PLCB1: variants seen among roughly 807,000 people sequenced by gnomAD.
The protein encoded by PLCB1 is phospholipase C beta 1.
Under a neutral mutation model 161.8 loss-of-function variants are expected in PLCB1, and 46 were observed. The observed-to-expected ratio is 0.28, with a 90% CI of 0.22 to 0.36. The LOEUF is 0.36. PLCB1 is among the 10% of genes least tolerant of loss of function. The pLI is 1.00. For synonymous variants in PLCB1, 517 were observed against 503.7 expected (o/e 1.03, Z -0.35); for missense variants, 1,016 against 1,472.5 (o/e 0.69, Z 5.07).
chr20:8,248,611 T>A (rs1324162424), intron 2 of PLCB1: 3 of 151,944 alleles, frequency 2.0e-5, no homozygotes, highest in Non-Finnish European at 4.4e-5. Context: ...GGTGGCCTTC[T>A]GACGGGAAGG....
chr20:8,732,682 TTA>T (rs1224099930), intron 18 of PLCB1, among the ~76,000 whole-genome samples: 2 of 143,852 alleles, frequency 1.4e-5, no homozygotes, highest in African/African-American at 2.6e-5. Flanking sequence ...AATATATGCT[TTA>T]TATATTAGAA....
At chr20:8,342,323 C>G (rs936290646) in intron 2 of PLCB1, among the ~76,000 whole-genome samples, 8 of 152,182 alleles carry the variant, frequency 5.3e-5, no homozygotes, top group African/African-American at 1.7e-4. Flanking sequence ...CATTAGTTTA[C>G]TCATTAATGA....
chr20:8,809,308 CACTT>C (rs1358172183), intron 31 of PLCB1, among the ~76,000 whole-genome samples: 83 of 152,096 alleles, frequency 5.5e-4, no homozygotes, highest in Non-Finnish European at 4.4e-5. Context: ...ATGCCCGGCT[CACTT>C]ACAAATAATT....
At chr20:8,623,510 A>T (rs1988242819) in intron 3 of PLCB1, among the ~76,000 whole-genome samples, 1 of 152,176 alleles carries the variant, frequency 6.6e-6, no homozygotes, top group Admixed American at 6.5e-5. Flanking sequence ...AACAAATATG[A>T]ATACTCTTGT....
chr20:8,699,149 A>G (rs749888658), intron 11 of PLCB1, among the ~76,000 whole-genome samples: 45 of 152,236 alleles, frequency 3.0e-4, no homozygotes, highest in Non-Finnish European at 5.9e-4. Context: ...GAGAAGGGCC[A>G]GAGGACAACC....
At chr20:8,571,100 T>A (rs1429894473) in intron 3 of PLCB1, among the ~76,000 whole-genome samples, 3 of 152,134 alleles carry the variant, frequency 2.0e-5, no homozygotes, top group Non-Finnish European at 4.4e-5. Flanking sequence ...TGGTTGGAAT[T>A]TGGGTGTCAT....
chr20:8,440,834 G>T (rs1199073737), intron 3 of PLCB1, among the ~76,000 whole-genome samples: 1 of 150,556 alleles, frequency 6.6e-6, no homozygotes, highest in South Asian at 2.1e-4. Context: ...AAATGTTTTT[G>T]ATTTTATATA....
Position 8,444,521 on chromosome 20 carries a change from G to A in PLCB1, c.246+73071G>A, listed in dbSNP as rs574956950. ...CCGCAATAAACATACGTGTGCATGTGTCTTTATAGCAGCATGATTTATAGT... is the reference window on the plus strand; with the variant it reads ...CCGCAATAAACATACGTGTGCATGTATCTTTATAGCAGCATGATTTATAGT... On this transcript the variant is annotated intron_variant, in intron 3 of 31. Transcript: ENST00000338037. Among the ~76,000 whole-genome samples, 877 of 152,284 alleles carry A rather than the reference G, an allele frequency of 5.8e-3. 11 individuals are homozygous for A. Among genetic ancestry groups the A allele is most frequent in the African/African-American group, 0.02 (841 of 41,558 alleles).
In PLCB1 at chr20:8,719,991, T is replaced by C. The variant is rs187416229; in HGVS notation, c.1513+2143T>C. On this transcript the variant is annotated intron_variant, in intron 14 of 31. Coordinates refer to ENST00000338037, the MANE Select transcript of PLCB1 (RefSeq NM_015192.4). ...AATTCTTTGAAAGGGTTTTGTCCTG[T>C]AGCTTTTGAATGTGTACTTTCATCA... 1.4e-3 allele frequency among the ~76,000 whole-genome samples: 208 copies of C among 152,336 alleles called. 3 individuals carry two copies. Among genetic ancestry groups the C allele is most frequent in the Non-Finnish European group, 3.5e-4 (24 of 68,034 alleles).
At chr20:8,320,101 G>C (rs972059767) in intron 2 of PLCB1, among the ~76,000 whole-genome samples, 4 of 152,118 alleles carry the variant, frequency 2.6e-5, no homozygotes, top group Admixed American at 6.6e-5. Flanking sequence ...TGGCTGCCTA[G>C]ATATCCCAGG....
chr20:8,681,018 A>G (rs1990194907), intron 9 of PLCB1, among the ~76,000 whole-genome samples: 1 of 148,126 alleles, frequency 6.8e-6, no homozygotes. Flanking sequence ...AAACACATAC[A>G]CATACAAACA....
chr20:8,203,099 A>G (rs183528795), intron 2 of PLCB1, among the ~76,000 whole-genome samples: 25 of 150,670 alleles, frequency 1.7e-4, no homozygotes, highest in East Asian at 9.7e-4. Context: ...ACACACGCGC[A>G]CACACACACA....
At chr20:8,550,600 C>G (rs1985741899) in intron 3 of PLCB1, among the ~76,000 whole-genome samples, 1 of 152,174 alleles carries the variant, frequency 6.6e-6, no homozygotes, top group African/African-American at 2.4e-5. Flanking sequence ...TGCCCGATCT[C>G]AGGTATTTCT....
At chr20:8,813,012 A>T (rs112827820) in intron 31 of PLCB1, among the ~76,000 whole-genome samples, 13 of 152,308 alleles carry the variant, frequency 8.5e-5, no homozygotes, top group African/African-American at 3.1e-4. Flanking sequence ...AGGCAGTGCC[A>T]GCTACTCGGA....
chr20:8,783,291 T>C (rs1014265612), intron 27 of PLCB1, among the ~76,000 whole-genome samples: 16 of 152,372 alleles, frequency 1.1e-4, no homozygotes, highest in African/African-American at 3.8e-4. Flanking sequence ...TCTCTACCTT[T>C]AATAGTCAGT....
chr20:8,488,785 CTATTTTG>C (rs1409482288), intron 3 of PLCB1, among the ~76,000 whole-genome samples: 1 of 152,154 alleles, frequency 6.6e-6, no homozygotes, highest in Non-Finnish European at 1.5e-5. Context: ...CATTAGGTAA[CTATTTTG>C]TTTTGCTATT....
intron 31 of PLCB1, among the ~76,000 whole-genome samples, chr20:8,827,382 T>C (rs2146272381): frequency 6.6e-6 from 1 of 152,302 alleles, no homozygotes; most frequent in South Asian, 2.1e-4. Context: ...TATGGCTATA[T>C]AACTTAAGCA....
intron 31 of PLCB1, among the ~76,000 whole-genome samples, chr20:8,875,475 A>G (rs905412205): frequency 7.0e-6 from 1 of 143,200 alleles, no homozygotes; most frequent in Non-Finnish European, 1.5e-5. Flanking sequence ...TATTATGTTT[A>G]TATTATAAAA....
chr20:8,391,362 A>T (rs886692294), intron 3 of PLCB1, among the ~76,000 whole-genome samples: 2 of 152,174 alleles, frequency 1.3e-5, no homozygotes, highest in African/African-American at 4.8e-5. Context: ...TCTTATTTAG[A>T]AAACTGTCTA....
Sources: gnomAD v4.1 joint callset for allele counts (sites outside exome capture counted in the v4.1 genomes callset) on GRCh38, gnomAD v4.1.1 for gene constraint, MANE v1.5 for transcripts, NCBI Gene and HGNC (gene_info 2026-07-23, HGNC 2026-07-21) for gene names.